Variants in GPM6B observed in about 807,000 individuals in gnomAD.
GPM6B encodes neuronal membrane glycoprotein M6-b.
Under a neutral mutation model 27.2 loss-of-function variants are expected in GPM6B, and 4 were observed. The ratio of observed to expected loss-of-function variants is 0.15; its 90% CI spans 0.07 to 0.34. The LOEUF (loss-of-function observed/expected upper bound fraction) is 0.34. GPM6B is among the 10% of genes least tolerant of loss of function. The pLI is 1.00. For synonymous variants in GPM6B, 124 were observed against 103.1 expected (o/e 1.20, Z -1.23); for missense variants, 183 against 261.9 (o/e 0.70, Z 2.08).
intron 2 of GPM6B, among the ~76,000 whole-genome samples, chrX:13,794,175 T>A (rs935536045): frequency 1.1e-4 from 12 of 107,273 alleles, no homozygotes; most frequent in Non-Finnish European, 2.3e-4. Flanking sequence ...AGTGGTTCTC[T>A]CTCTCTCTCT....
rs2049048698 is a variant in GPM6B, at chrX:13,807,683, G to C, written c.148C>G (p.Leu50Val). 3.3e-6 allele frequency: 4 copies of C among 1,204,338 alleles called. No homozygotes were observed. Among genetic ancestry groups the C allele is most frequent in the East Asian group, 5.9e-5 (2 of 33,787 alleles). Reference sequence around the variant, plus strand: ...CTCAAGGGGCTAGCCCTGTCCCCCAGGGTTGGCACGGGATGGTACTGGTGG... The same window carrying C: ...CTCAAGGGGCTAGCCCTGTCCCCCACGGTTGGCACGGGATGGTACTGGTGG... Reference protein sequence around the residue: ...KNHQYHPVPTLGDRASPLSSP... With the variant: ...KNHQYHPVPTVGDRASPLSSP... The change falls in exon 2 of 8, where the codon CTG becomes GTG. Residue 50 changes from leucine to valine, a missense_variant. Coordinates refer to ENST00000316715, the MANE Select transcript of GPM6B (RefSeq NM_001001995.3).
intron 1 of GPM6B, among the ~76,000 whole-genome samples, chrX:13,812,227 G>T (rs2049150169): frequency 9.2e-6 from 1 of 108,569 alleles, no homozygotes; most frequent in African/African-American, 3.4e-5. Context: ...TTTTGTTTTT[G>T]TATTTTTAGT....
At chrX:13,913,152 GTCTA>G (rs113361753) in intron 1 of GPM6B, among the ~76,000 whole-genome samples, 128 of 111,397 alleles carry the variant, frequency 1.1e-3, no homozygotes, top group African/African-American at 1.8e-3. Flanking sequence ...CTGTCTGTCT[GTCTA>G]TCTATCTATC....
intron 6 of GPM6B, among the ~76,000 whole-genome samples, chrX:13,776,650 G>GAT (rs1301325496): frequency 6.2e-5 from 7 of 112,323 alleles, no homozygotes; most frequent in African/African-American, 2.3e-4. Flanking sequence ...TGACAAGTCA[G>GAT]ATAGGGTAGG....
chrX:13,864,879 A>G, intron 1 of GPM6B, among the ~76,000 whole-genome samples: 1 of 112,243 alleles, frequency 8.9e-6, no homozygotes, highest in Admixed American at 9.4e-5. Flanking sequence ...GCAGATAGTA[A>G]CAAACCCTAT....
intron 1 of GPM6B, among the ~76,000 whole-genome samples, chrX:13,837,298 G>A (rs2049507349): frequency 8.9e-6 from 1 of 111,830 alleles, no homozygotes; most frequent in Non-Finnish European, 1.9e-5. Flanking sequence ...TATCTAGGAG[G>A]TAGAAGTCCC....
chrX:13,805,146 C>A (rs1400035300), intron 2 of GPM6B, among the ~76,000 whole-genome samples: 1 of 111,882 alleles, frequency 8.9e-6, no homozygotes, highest in Non-Finnish European at 1.9e-5. Context: ...GAAGATAATT[C>A]TTTAAATCAA....
Position 13,780,000 on chromosome X carries a change from A to C in GPM6B, c.526-11T>G. 1 of 1,167,899 alleles carries C rather than the reference A, an allele frequency of 8.6e-7. No homozygotes were observed. Among genetic ancestry groups the C allele is most frequent in the African/African-American group, 1.7e-5 (1 of 57,261 alleles). On this transcript the variant is annotated splice_polypyrimidine_tract_variant and intron_variant, in intron 4 of 7. Transcript: ENST00000316715. ...GGTGAGGAAAACGAACTAGGCCAAAACAAGAGGAAGGACAATCATCACTGA... is the reference window on the plus strand; with the variant it reads ...GGTGAGGAAAACGAACTAGGCCAAACCAAGAGGAAGGACAATCATCACTGA...
At chrX:13,794,481 T>C (rs1389953466) in intron 2 of GPM6B, among the ~76,000 whole-genome samples, 1 of 111,617 alleles carries the variant, frequency 9.0e-6, no homozygotes, top group Non-Finnish European at 1.9e-5. Flanking sequence ...TCAAAGACGG[T>C]CTGTGCAGCC....
intron 1 of GPM6B, among the ~76,000 whole-genome samples, chrX:13,928,427 G>C (rs1480179394): frequency 1.8e-5 from 2 of 112,472 alleles, no homozygotes; most frequent in Non-Finnish European, 3.8e-5. Context: ...GCTCAAAACA[G>C]TTTTTAGTAA....
At chrX:13,877,962 C>A (rs1297267640) in intron 1 of GPM6B, among the ~76,000 whole-genome samples, 1 of 107,286 alleles carries the variant, frequency 9.3e-6, no homozygotes, top group African/African-American at 3.4e-5. Context: ...CTTACATAAG[C>A]ACAACACTAT....
chrX:13,772,691 A>G lies in GPM6B; in HGVS notation c.*190T>C, dbSNP rs1047125965. 2.8e-6 allele frequency: 1 copy of G among 357,344 alleles called. No homozygotes were observed. Among genetic ancestry groups the G allele is most frequent in the East Asian group, 4.1e-5 (1 of 24,217 alleles). 29.4% of individuals were successfully genotyped at this position (357,344 alleles called of 1,213,427 possible). ...AAATGGCTAACATGAAACCTCCAAT[A>G]TTTGTTCTAAAGAAAAAGATTTACC... is the stretch of plus-strand genomic sequence containing the variant. On this transcript the variant is annotated 3_prime_UTR_variant, in exon 8 of 8. Transcript: ENST00000316715.
chrX:13,853,590 CAAAAAAAAAAA>C (rs66531403), intron 1 of GPM6B, among the ~76,000 whole-genome samples: 1 of 38,545 alleles, frequency 2.6e-5, no homozygotes, highest in Admixed American at 4.3e-4. Context: ...GACACCACCT[CAAAAAAAAAAA>C]AAAAAAAAAA....
intron 1 of GPM6B, among the ~76,000 whole-genome samples, chrX:13,842,550 T>C (rs1603070286): frequency 9.0e-6 from 1 of 110,932 alleles, no homozygotes; most frequent in Non-Finnish European, 1.9e-5. Flanking sequence ...GTAATTATTT[T>C]ATTGACCTGA....
At chrX:13,834,862 T>C (rs2049478657) in intron 1 of GPM6B, among the ~76,000 whole-genome samples, 1 of 112,168 alleles carries the variant, frequency 8.9e-6, no homozygotes, top group African/African-American at 3.2e-5. Flanking sequence ...GTTCGAAACA[T>C]CTTAGCTGTC....
chrX:13,876,337 T>TA (rs1413559100), intron 1 of GPM6B, among the ~76,000 whole-genome samples: 1 of 112,388 alleles, frequency 8.9e-6, no homozygotes, highest in African/African-American at 3.2e-5. Context: ...GGATCACTGA[T>TA]AAATTGTTGA....
chrX:13,875,586 A>G (rs904525138), intron 1 of GPM6B, among the ~76,000 whole-genome samples: 1 of 111,923 alleles, frequency 8.9e-6, no homozygotes, highest in African/African-American at 3.3e-5. Flanking sequence ...TCACAGGAGC[A>G]CTCTTCACAA....
Position 13,864,796 on chromosome X carries a change from C to T in GPM6B, c.-198+73531G>A, listed in dbSNP as rs767839817. On this transcript the variant is annotated intron_variant, in intron 1 of 6. Coordinates refer to the GPM6B transcript ENST00000398361. ...GAAAGTCAGAAAGGTGTGCTTCCAACGTATAGTAAAGTACAGGTCCCCACT... is the reference window on the plus strand; with the variant it reads ...GAAAGTCAGAAAGGTGTGCTTCCAATGTATAGTAAAGTACAGGTCCCCACT... Among the ~76,000 whole-genome samples the T allele has an allele frequency of 1.3e-4, 15 of 111,475 alleles. No individual in the cohort carries two copies. The East Asian group carries it at 1.4e-3, about 10-fold the overall frequency.
rs141328780 is a variant in GPM6B at position 13,847,356 on chromosome X, C to T, written c.-197-61548G>A. On this transcript the variant is annotated intron_variant, in intron 1 of 6. Transcript: ENST00000398361. ...GTTTCTCTCCAAAGTCTACTTTAAA[C>T]AAATACTCTTGTTCTTTATAGATTT... 6.8e-3 allele frequency among the ~76,000 whole-genome samples: 758 copies of T among 112,266 alleles called. 5 individuals are homozygous for T. The highest frequency in any genetic ancestry group is 0.011 in the Non-Finnish European group (589 of 53,238).
Sources: gnomAD v4.1 joint callset for allele counts (sites outside exome capture counted in the v4.1 genomes callset) on GRCh38, gnomAD v4.1.1 for gene constraint, MANE v1.5 for transcripts, NCBI Gene and HGNC (gene_info 2026-07-23, HGNC 2026-07-21) for gene names.